PCDHGA2: variants seen among roughly 807,000 people sequenced by gnomAD.
PCDHGA2 encodes protocadherin gamma subfamily A, 2.
Under a neutral mutation model 59.2 loss-of-function variants are expected in PCDHGA2, and 40 were observed. That is an observed-to-expected ratio of 0.68 (90% CI 0.52 to 0.88). The LOEUF (loss-of-function observed/expected upper bound fraction) is 0.88. Ranked by LOEUF, PCDHGA2 falls within the 40% of genes least tolerant of loss-of-function variation. The probability of loss-of-function intolerance (pLI) is 0.00; values close to 1 mark genes in which losing one functional copy is unlikely to be tolerated. For missense variants in PCDHGA2, 1,226 were observed against 1,204.0 expected (o/e 1.02, Z -0.27); for synonymous variants, 560 against 526.0 (o/e 1.06, Z -0.89).
rs375882135 is a variant in PCDHGA2 at position 141,389,276 on chromosome 5, G to C, written c.2424+47881G>C. The C allele has an allele frequency of 7.9e-5, 128 of 1,613,976 alleles. No individual in the cohort carries two copies. In the Middle Eastern group the frequency reaches 1.8e-3, roughly 23 times the overall value. On this transcript the variant is annotated intron_variant, in intron 1 of 3. Coordinates refer to ENST00000394576, the MANE Select transcript of PCDHGA2 (RefSeq NM_018915.4). ...TAGTCCACGTGGCCGAGAACAACCC[G>C]CCTGGAGCCTCTATTTCACAAGTCA...
At chr5:141,374,511 T>G in intron 1 of PCDHGA2, 1 of 1,611,912 alleles carries the variant, frequency 6.2e-7, no homozygotes, top group Non-Finnish European at 8.5e-7. Flanking sequence ...GTGAAAATTC[T>G]CGAAAACGCA....
chr5:141,487,421 C>G lies in PCDHGA2; in HGVS notation c.2425-7386C>G. On this transcript the variant is annotated intron_variant, in intron 1 of 3. Transcript: ENST00000394576. This position sits in a 1 kb window ranked among gnomAD's most constrained non-coding sequence, Gnocchi z 5.0. ...GGGGCTTCCCCCTTCCAATGGGATC[C>G]TCCGAATCCAGCTAGGGTCAGATGA... 1 of 1,614,144 alleles carries G rather than the reference C, an allele frequency of 6.2e-7. No individual in the cohort carries two copies. The highest frequency in any genetic ancestry group is 8.5e-7 in the Non-Finnish European group (1 of 1,180,022).
At chr5:141,430,379 T>C (rs1174248880) in intron 1 of PCDHGA2, among the ~76,000 whole-genome samples, 1 of 149,570 alleles carries the variant, frequency 6.7e-6, no homozygotes, top group Non-Finnish European at 1.5e-5. Flanking sequence ...AAAAAGCTCA[T>C]TGGGAAAAAA....
At chr5:141,450,702 G>A (rs1466981422) in intron 1 of PCDHGA2, among the ~76,000 whole-genome samples, 1 of 152,026 alleles carries the variant, frequency 6.6e-6, no homozygotes, top group Non-Finnish European at 1.5e-5. Flanking sequence ...GCCCAGGATG[G>A]TCTCCAACTC....
chr5:141,341,142 T>A lies in PCDHGA2; in HGVS notation c.2171T>A (p.Leu724Gln). 6.2e-7 allele frequency: 1 copy of A among 1,614,230 alleles called. No homozygotes were observed. Among genetic ancestry groups the A allele is most frequent in the Non-Finnish European group, 8.5e-7 (1 of 1,180,038 alleles). ...CTGCGGCGCTGGCACAAGTCACGCC[T>A]GCTGCAGGCTTCAGGAGGCAGCTTG... ...HRLRRWHKSR[L>Q]LQASGGSLTG... The change falls in exon 1 of 4, where the codon CTG (leucine) becomes CAG (glutamine). Residue 724 changes from leucine to glutamine, a missense_variant. Physicochemically the swap from Leu to Gln is moderately radical, Grantham distance 113. Coordinates refer to ENST00000394576, the MANE Select transcript of PCDHGA2 (RefSeq NM_018915.4).
At chr5:141,355,926 C>T (rs1394652053) in intron 1 of PCDHGA2, 5 of 1,613,758 alleles carry the variant, frequency 3.1e-6, no homozygotes, top group Admixed American at 1.7e-5. Context: ...CTCCCGTGTT[C>T]ACTCAGCCCG....
At chr5:141,360,636 A>G (rs550512719) in intron 1 of PCDHGA2, 9 of 1,614,030 alleles carry the variant, frequency 5.6e-6, no homozygotes, top group Admixed American at 5.0e-5. Context: ...CTAACTCACT[A>G]CAAAGATACC....
At chr5:141,383,189 C>A (rs1588938013) in intron 1 of PCDHGA2, 1 of 1,614,068 alleles carries the variant, frequency 6.2e-7, no homozygotes, top group Non-Finnish European at 8.5e-7. Context: ...GAGATCTGCG[C>A]TCAGAGTGCG....
At chr5:141,369,768 A>T (rs548016343) in intron 1 of PCDHGA2, among the ~76,000 whole-genome samples, 1 of 152,252 alleles carries the variant, frequency 6.6e-6, no homozygotes, top group Non-Finnish European at 1.5e-5. Context: ...CGTGAAGCTG[A>T]TATTTCAAGC....
In PCDHGA2 at chr5:141,475,977, A is replaced by G. The variant is rs369460464; in HGVS notation, c.2425-18830A>G. The stretch of plus-strand genomic sequence containing the variant: ...CCCCGGGATGAGGCAGAGACTGAAC[A>G]GCCGGCGAGCAAATCAACGGCATCC... On this transcript the variant is annotated intron_variant, in intron 1 of 3. Transcript: ENST00000394576. The G allele has an allele frequency of 2.2e-5, 21 of 972,826 alleles. No individual in the cohort carries two copies. The South Asian group carries it at 2.8e-4, about 13-fold the overall frequency. 60.3% of individuals were successfully genotyped at this position (972,826 alleles called of 1,614,324 possible).
Position 141,423,758 on chromosome 5 carries a change from GGGT to G in PCDHGA2, c.2425-71046_2425-71044del, listed in dbSNP as rs776356896. The G allele has an allele frequency of 7.0e-4, 256 of 366,834 alleles. 2 individuals are homozygous for G. The highest frequency in any genetic ancestry group is 6.8e-3 in the African/African-American group (232 of 34,230). The allele number at this position is 366,834 out of a possible 1,614,324, so 22.7% of individuals were successfully genotyped here. A position where few individuals can be genotyped will look rare whatever the true frequency, so the allele number is the denominator to read the frequency against. ...CTGTTATGAAAACTGTTTGGGGGGG[GGGT>G]GGGGCGGCATATATTTAGTTCATAT... On this transcript the variant is annotated intron_variant, in intron 1 of 3. Coordinates refer to ENST00000394576, the MANE Select transcript of PCDHGA2 (RefSeq NM_018915.4).
chr5:141,360,842 A>T, intron 1 of PCDHGA2: 1 of 1,614,028 alleles, frequency 6.2e-7, no homozygotes, highest in South Asian at 1.1e-5. Context: ...ACGGATGCCA[A>T]CGATAACCCT....
intron 2 of PCDHGA2, among the ~76,000 whole-genome samples, chr5:141,503,688 T>A (rs2099828724): frequency 6.6e-6 from 1 of 152,042 alleles, no homozygotes; most frequent in African/African-American, 2.4e-5. Context: ...GGAAGGAGAA[T>A]TGAGATTCCT....
At chr5:141,418,823 A>G (rs985060966) in intron 1 of PCDHGA2, 7 of 1,613,868 alleles carry the variant, frequency 4.3e-6, no homozygotes, top group Admixed American at 3.3e-5. Context: ...CATAGAAGCA[A>G]AAGACCGAGG....
At chr5:141,460,483 C>G (rs2098990314) in intron 1 of PCDHGA2, among the ~76,000 whole-genome samples, 1 of 152,046 alleles carries the variant, frequency 6.6e-6, no homozygotes, top group African/African-American at 2.4e-5. Flanking sequence ...ATCCAATTGT[C>G]TCTTTGGAAA....
chr5:141,371,262 C>T (rs368232567), intron 1 of PCDHGA2: 3 of 1,613,880 alleles, frequency 1.9e-6, no homozygotes, highest in Non-Finnish European at 2.5e-6. Flanking sequence ...GGAAGTGAGA[C>T]AACTGTTCAA....
chr5:141,390,275 C>G, intron 1 of PCDHGA2: 1 of 1,613,976 alleles, frequency 6.2e-7, no homozygotes, highest in Non-Finnish European at 8.5e-7. Context: ...AATTGACTTC[C>G]CATCAGGTGA....
At chr5:141,350,726 G>A in intron 1 of PCDHGA2, 1 of 1,613,956 alleles carries the variant, frequency 6.2e-7, no homozygotes, top group Non-Finnish European at 8.5e-7. Context: ...TTCTGCTCAA[G>A]ATGCAGATGT....
intron 1 of PCDHGA2, chr5:141,408,641 T>G: frequency 6.2e-7 from 1 of 1,614,034 alleles, no homozygotes; most frequent in Non-Finnish European, 8.5e-7. Context: ...CGAATCTGCA[T>G]CCGCTGGTAC....
Sources: gnomAD v4.1 joint callset for allele counts (sites outside exome capture counted in the v4.1 genomes callset) on GRCh38, gnomAD v4.1.1 for gene constraint, Gnocchi (gnomAD v3.1) non-coding constraint, MANE v1.5 for transcripts, NCBI Gene and HGNC (gene_info 2026-07-23, HGNC 2026-07-21) for gene names.